Variants in FOXN3 observed in about 807,000 individuals in gnomAD.
The protein encoded by FOXN3 is forkhead box N3, also known as forkhead box protein N3.
Under a neutral mutation model 38.4 loss-of-function variants are expected in FOXN3, and 7 were observed. The ratio of observed to expected loss-of-function variants is 0.18; its 90% CI spans 0.10 to 0.34. The LOEUF (loss-of-function observed/expected upper bound fraction) is 0.34. Ranked by LOEUF, FOXN3 falls within the 10% of genes least tolerant of loss-of-function variation. The probability of loss-of-function intolerance (pLI) is 1.00; values close to 1 mark genes in which losing one functional copy is unlikely to be tolerated. For synonymous variants in FOXN3, 230 were observed against 242.2 expected, an observed-to-expected ratio of 0.95 and a Z score of 0.47; for missense variants, 456 against 613.4, an observed-to-expected ratio of 0.74 and a Z score of 2.71.
At chr14:89,357,598 A>C (rs1214183944) in intron 2 of FOXN3, among the ~76,000 whole-genome samples, 2 of 152,040 alleles carry the variant, frequency 1.3e-5, no homozygotes, top group Non-Finnish European at 2.9e-5. Flanking sequence ...ACAAGAGTGA[A>C]ACTCCATCTC....
chr14:89,230,567 C>T (rs1884775588), intron 4 of FOXN3, among the ~76,000 whole-genome samples: 1 of 152,202 alleles, frequency 6.6e-6, no homozygotes, highest in South Asian at 2.1e-4. Flanking sequence ...TAAGTAGGCA[C>T]ATCTAAGTGC....
At position 89,412,354 on chromosome 14, in the gene FOXN3, G is replaced by A. The variant is rs145009047; in HGVS notation, c.123C>T (p.Leu41=). 16 of 1,613,980 alleles carry A rather than the reference G, an allele frequency of 9.9e-6. No homozygotes were observed. In the Admixed American group the frequency reaches 1.7e-4, roughly 17 times the overall value. ...FSKALQEDDD[L]DFSLPDIRLE... is the part of the protein sequence containing the mutation. ...ATCGGATGTCAGGCAGAGAAAAGTCGAGGTCATCGTCTTCCTGAAGGGCCT... is the reference window on the plus strand; with the variant it reads ...ATCGGATGTCAGGCAGAGAAAAGTCAAGGTCATCGTCTTCCTGAAGGGCCT... The change falls in exon 2 of 6, where the codon CTC becomes CTT. Residue 41 remains leucine (L), a synonymous_variant. Transcript: ENST00000557258. The surrounding 1 kb of genome is among the most constrained non-coding windows in gnomAD (Gnocchi z 4.7).
chr14:89,173,438 A>G (rs907197693), intron 5 of FOXN3, among the ~76,000 whole-genome samples: 11 of 152,228 alleles, frequency 7.2e-5, no homozygotes, highest in Non-Finnish European at 1.5e-4. Context: ...TACCCTATAA[A>G]TCAACAATTT....
intron 4 of FOXN3, among the ~76,000 whole-genome samples, chr14:89,250,619 G>C (rs1398349913): frequency 6.6e-6 from 1 of 152,214 alleles, no homozygotes; most frequent in Non-Finnish European, 1.5e-5. Context: ...CCAGGGCCAT[G>C]GGGAATGGCA....
chr14:89,374,420 G>A (rs931650193), intron 2 of FOXN3, among the ~76,000 whole-genome samples: 1 of 152,024 alleles, frequency 6.6e-6, no homozygotes, highest in African/African-American at 2.4e-5. Context: ...TCCCACTCCT[G>A]GGTATTTCTT....
At chr14:89,614,689 G>A (rs1896458071) in intron 1 of FOXN3, among the ~76,000 whole-genome samples, 2 of 152,254 alleles carry the variant, frequency 1.3e-5, no homozygotes, top group South Asian at 4.1e-4. Context: ...CCTGGGCACA[G>A]CCCAGGTGAC....
At chr14:89,489,466 G>T (rs1471116785) in intron 1 of FOXN3, among the ~76,000 whole-genome samples, 1 of 152,076 alleles carries the variant, frequency 6.6e-6, no homozygotes, top group African/African-American at 2.4e-5. Context: ...AACAAACTTG[G>T]CATCAACCAA....
intron 1 of FOXN3, among the ~76,000 whole-genome samples, chr14:89,472,653 G>GGAGCTTGCAGTGAGCC (rs1271230895): frequency 2.0e-5 from 3 of 150,682 alleles, no homozygotes; most frequent in Non-Finnish European, 3.0e-5. Context: ...CCCAGGAGGT[G>GGAGCTTGCAGTGAGCC]GAGCTTGCAG....
chr14:89,376,559 T>C (rs750262126), intron 2 of FOXN3, among the ~76,000 whole-genome samples: 8 of 152,130 alleles, frequency 5.3e-5, no homozygotes, highest in South Asian at 2.1e-4. Flanking sequence ...CCCAAGTATC[T>C]CTCCGTAGGC....
At chr14:89,209,079 T>C (rs1888456179) in intron 4 of FOXN3, among the ~76,000 whole-genome samples, 1 of 152,250 alleles carries the variant, frequency 6.6e-6, no homozygotes, top group African/African-American at 2.4e-5. Flanking sequence ...AATAAACTTT[T>C]TGTTACTCTA....
At chr14:89,310,030 T>G (rs956847888) in intron 3 of FOXN3, among the ~76,000 whole-genome samples, 2 of 152,164 alleles carry the variant, frequency 1.3e-5, no homozygotes, top group Non-Finnish European at 2.9e-5. Flanking sequence ...GTGGGGACAG[T>G]GACCAATGCT....
chr14:89,329,927 A>G (rs955208178), intron 3 of FOXN3, among the ~76,000 whole-genome samples: 2 of 151,658 alleles, frequency 1.3e-5, no homozygotes, highest in Non-Finnish European at 2.9e-5. Flanking sequence ...CCAAGGCGGA[A>G]AAACCCTGGG....
intron 2 of FOXN3, among the ~76,000 whole-genome samples, chr14:89,377,056 C>CAAAAAAAAAAAAAAAAAAA (rs1555422580): frequency 1.9e-5 from 1 of 52,454 alleles, no homozygotes; most frequent in Non-Finnish European, 4.4e-5. Flanking sequence ...AAAAAAAAAG[C>CAAAAAAAAAAAAAAAAAAA]TTGAGCCTAC....
Position 89,165,730 on chromosome 14 carries a change from C to G in FOXN3, c.852-2761G>C, listed in dbSNP as rs112892665. On this transcript the variant is annotated intron_variant, in intron 5 of 5. Coordinates refer to ENST00000557258, the MANE Select transcript of FOXN3 (RefSeq NM_005197.4). ...AGCTAGCTATTAATAGTTATTAGAG[C>G]AAACGAAAATGAAAGTCTCGTTGTA... Among the ~76,000 whole-genome samples the G allele has an allele frequency of 2.1e-3, 322 of 152,306 alleles. 4 individuals carry two copies. Among genetic ancestry groups the G allele is most frequent in the African/African-American group, 7.2e-3 (298 of 41,570 alleles).
chr14:89,259,328 G>A (rs1199725790), intron 4 of FOXN3, among the ~76,000 whole-genome samples: 5 of 152,068 alleles, frequency 3.3e-5, no homozygotes, highest in African/African-American at 1.2e-4. Flanking sequence ...TGTTTCTCTT[G>A]GGTAATGAGT....
intron 1 of FOXN3, among the ~76,000 whole-genome samples, chr14:89,487,779 T>C (rs1416767206): frequency 1.3e-5 from 2 of 152,134 alleles, no homozygotes; most frequent in Non-Finnish European, 2.9e-5. Context: ...GCAGACCGTG[T>C]TATTTCTTAT....
Position 89,546,331 on chromosome 14 carries a change from T to TTTTTTTTTC in FOXN3, c.-15+72696_-15+72697insGAAAAAAAA, listed in dbSNP as rs1894881699. 6.5e-5 allele frequency among the ~76,000 whole-genome samples: 7 copies of TTTTTTTTTC among 108,000 alleles called. No individual in the cohort carries two copies. The South Asian group carries it at 1.9e-3, about 29-fold the overall frequency. The allele number at this position is 108,000 out of a possible 152,430, so 70.9% of individuals were successfully genotyped here. ...GCTTCTTTTCTTTTTTCCTTTTTCT[T>TTTTTTTTTC]TTTTTTTTTTTTTTTTTGAGATGGA... On this transcript the variant is annotated intron_variant, in intron 1 of 6. Transcript: ENST00000345097.
Position 89,537,152 on chromosome 14 carries a change from G to C in FOXN3, c.-15+81876C>G, listed in dbSNP as rs559804931. On this transcript the variant is annotated intron_variant, in intron 1 of 6. Transcript: ENST00000345097. ...GTGTCTGAATCCACATCCTAAACAG[G>C]AAGTTCCTTGAGAATGGGGACAATG... is the stretch of plus-strand genomic sequence containing the variant. 2.6e-5 allele frequency among the ~76,000 whole-genome samples: 4 copies of C among 152,304 alleles called. No individual in the cohort carries two copies. In the South Asian group the frequency reaches 6.2e-4, roughly 24 times the overall value.
chr14:89,307,031 A>C (rs2139954014), intron 3 of FOXN3, among the ~76,000 whole-genome samples: 1 of 152,312 alleles, frequency 6.6e-6, no homozygotes, highest in South Asian at 2.1e-4. Flanking sequence ...TGACATTTTA[A>C]TCTTGAAAAA....
Sources: gnomAD v4.1 joint callset for allele counts (sites outside exome capture counted in the v4.1 genomes callset) on GRCh38, gnomAD v4.1.1 for gene constraint, Gnocchi (gnomAD v3.1) non-coding constraint, MANE v1.5 for transcripts, NCBI Gene and HGNC (gene_info 2026-07-23, HGNC 2026-07-21) for gene names.